Variants in ULK4 observed in about 807,000 individuals in gnomAD.
ULK4 encodes the protein unc-51 like kinase 4.
A neutral mutation model predicts 160.6 loss-of-function variants in ULK4; 133 were observed. That is an observed-to-expected ratio of 0.83 (90% CI 0.72 to 0.96). The LOEUF (loss-of-function observed/expected upper bound fraction) is 0.96, where lower values mean the gene tolerates loss of function less well. ULK4 is among the 40% of genes least tolerant of loss of function. The pLI, the probability that ULK4 is intolerant of heterozygous loss-of-function variation, is 0.00. For missense variants in ULK4, 1,580 were observed against 1,499.5 expected, an observed-to-expected ratio of 1.05 and a Z score of -0.89; for synonymous variants, 534 against 539.8, an observed-to-expected ratio of 0.99 and a Z score of 0.15.
chr3:41,787,445 C>T (rs1337599859), intron 21 of ULK4, among the ~76,000 whole-genome samples: 4 of 152,146 alleles, frequency 2.6e-5, no homozygotes, highest in Non-Finnish European at 5.9e-5. Flanking sequence ...TCTTCTACCT[C>T]CTGAGGTGGC....
At chr3:41,507,336 T>C (rs1390522573) in intron 32 of ULK4, among the ~76,000 whole-genome samples, 1 of 152,044 alleles carries the variant, frequency 6.6e-6, no homozygotes, top group African/African-American at 2.4e-5. Flanking sequence ...TCTTACTATG[T>C]ATTTTGCTTG....
chr3:41,636,763 C>T (rs904672042), intron 30 of ULK4, among the ~76,000 whole-genome samples: 1 of 151,840 alleles, frequency 6.6e-6, no homozygotes. Flanking sequence ...CCCGTCCCCC[C>T]ACCCCACAAC....
At chr3:41,677,835 G>A (rs902529706) in intron 29 of ULK4, among the ~76,000 whole-genome samples, 2 of 152,126 alleles carry the variant, frequency 1.3e-5, no homozygotes, top group Non-Finnish European at 2.9e-5. Flanking sequence ...GGCTGTGATG[G>A]TGTTCCTGGA....
chr3:41,538,349 CTT>C (rs2086583092), intron 32 of ULK4, among the ~76,000 whole-genome samples: 2 of 118,764 alleles, frequency 1.7e-5, no homozygotes, highest in African/African-American at 5.4e-5. Context: ...ATGAATTTCC[CTT>C]TTGTTTTTTT....
intron 31 of ULK4, among the ~76,000 whole-genome samples, chr3:41,610,533 T>C (rs908476573): frequency 6.6e-6 from 1 of 152,202 alleles, no homozygotes; most frequent in African/African-American, 2.4e-5. Context: ...AAACATTCCT[T>C]AAATGTAATG....
chr3:41,829,394 A>ATCTT (rs2041489388), intron 18 of ULK4, among the ~76,000 whole-genome samples: 1 of 140,962 alleles, frequency 7.1e-6, no homozygotes, highest in Non-Finnish European at 1.6e-5. Context: ...TGCAATCCAC[A>ATCTT]CATCTGACAA....
chr3:41,629,344 T>C (rs1011181432), intron 30 of ULK4, among the ~76,000 whole-genome samples: 2 of 152,200 alleles, frequency 1.3e-5, no homozygotes, highest in African/African-American at 2.4e-5. Flanking sequence ...GTTAATTCTG[T>C]TGACTGGAGC....
intron 12 of ULK4, 150 bp downstream of exon 12, chr3:41,907,693 TCA>T (rs763012144): frequency 2.9e-5 from 12 of 419,920 alleles, no homozygotes; most frequent in South Asian, 2.0e-4. Flanking sequence ...GATATCTCTC[TCA>T]GAGTACTTAC....
At chr3:41,637,127 C>A (rs1261585006) in intron 30 of ULK4, among the ~76,000 whole-genome samples, 1 of 152,148 alleles carries the variant, frequency 6.6e-6, no homozygotes, top group Admixed American at 6.5e-5. Flanking sequence ...TTGCTATTAA[C>A]TGTAGTCACC....
At chr3:41,510,303 C>A (rs143111172) in intron 32 of ULK4, among the ~76,000 whole-genome samples, 15 of 152,248 alleles carry the variant, frequency 9.9e-5, no homozygotes, top group Non-Finnish European at 1.8e-4. Context: ...TATGTATGCA[C>A]CTAATACTGA....
At chr3:41,879,173 A>G (rs1261385719) in intron 17 of ULK4, among the ~76,000 whole-genome samples, 1 of 152,186 alleles carries the variant, frequency 6.6e-6, no homozygotes, top group Non-Finnish European at 1.5e-5. Flanking sequence ...GACATGTATG[A>G]AACCACCAAG....
At chr3:41,312,252 G>A (rs1318192301) in intron 35 of ULK4, among the ~76,000 whole-genome samples, 1 of 152,132 alleles carries the variant, frequency 6.6e-6, no homozygotes, top group Non-Finnish European at 1.5e-5. Context: ...TGAGATTACA[G>A]ATGTGAGCCA....
intron 18 of ULK4, among the ~76,000 whole-genome samples, chr3:41,822,325 A>G (rs17063653): frequency 0.25 from 38,750 of 152,130 alleles, 6,119 homozygotes; most frequent in African/African-American, 0.45. Context: ...GCCGTAATCC[A>G]TAATGAGGCA....
chr3:41,434,421 T>C (rs548136257), intron 34 of ULK4, among the ~76,000 whole-genome samples: 95 of 152,340 alleles, frequency 6.2e-4, no homozygotes, highest in Non-Finnish European at 1.1e-3. Flanking sequence ...AAAAGGGGCA[T>C]ATATACATTT....
At chr3:41,631,532 T>C (rs114886133) in intron 30 of ULK4, among the ~76,000 whole-genome samples, 1 of 152,188 alleles carries the variant, frequency 6.6e-6, no homozygotes, top group Admixed American at 6.5e-5. Context: ...TGGATTTTAG[T>C]AAGACAATTT....
intron 29 of ULK4, 53 bp downstream of exon 29, chr3:41,681,455 G>A: frequency 6.2e-7 from 1 of 1,602,076 alleles, no homozygotes; most frequent in Non-Finnish European, 8.5e-7. Context: ...TTTGACAGAA[G>A]CTTCCTGGAT....
At chr3:41,886,055 C>A (rs745591497) in intron 16 of ULK4, among the ~76,000 whole-genome samples, 3 of 152,080 alleles carry the variant, frequency 2.0e-5, no homozygotes, top group Non-Finnish European at 2.9e-5. Context: ...TCATCTTTCA[C>A]GTGCCTGGTC....
At chr3:41,549,817 T>C (rs961505933) in intron 32 of ULK4, among the ~76,000 whole-genome samples, 1 of 151,654 alleles carries the variant, frequency 6.6e-6, no homozygotes, top group Non-Finnish European at 1.5e-5. Context: ...AAGTCACATA[T>C]AAGGAAATGA....
chr3:41,405,630 C>A (rs573853224), intron 34 of ULK4, among the ~76,000 whole-genome samples: 1 of 152,142 alleles, frequency 6.6e-6, no homozygotes, highest in African/African-American at 2.4e-5. Flanking sequence ...GTCTCACCAG[C>A]GTCTGTTTTT....
Sources: gnomAD v4.1 joint callset for allele counts (sites outside exome capture counted in the v4.1 genomes callset) on GRCh38, gnomAD v4.1.1 for gene constraint, MANE v1.5 for transcripts, NCBI Gene and HGNC (gene_info 2026-07-23, HGNC 2026-07-21) for gene names.